Variants in CNGA1 observed in about 807,000 individuals in gnomAD.
CNGA1 encodes cyclic nucleotide-gated channel alpha-1.
CNGA1 carries 53 observed loss-of-function variants against 69.7 expected under a neutral mutation model. The observed-to-expected ratio is 0.76, with a 90% CI of 0.61 to 0.96. The LOEUF is 0.96. Ranked by LOEUF, CNGA1 falls within the 40% of genes least tolerant of loss-of-function variation. The pLI is 0.00. For missense variants in CNGA1, 739 were observed against 811.2 expected (o/e 0.91, Z 1.08); for synonymous variants, 249 against 283.5 (o/e 0.88, Z 1.22).
At chr4:47,958,143 C>A (rs1740206148) in intron 3 of CNGA1, among the ~76,000 whole-genome samples, 1 of 152,070 alleles carries the variant, frequency 6.6e-6, no homozygotes, top group South Asian at 2.1e-4. Context: ...ATCCACCCAC[C>A]TCAGCCTCCC....
intron 5 of CNGA1, among the ~76,000 whole-genome samples, chr4:47,950,158 C>T (rs570776060): frequency 6.6e-6 from 1 of 152,362 alleles, no homozygotes; most frequent in South Asian, 2.1e-4. Flanking sequence ...ACCCAAATCT[C>T]ATCTTGAATT....
chr4:47,973,276 C>T (rs983704064), intron 3 of CNGA1, among the ~76,000 whole-genome samples: 2 of 151,958 alleles, frequency 1.3e-5, no homozygotes, highest in African/African-American at 4.8e-5. Context: ...GATGGTTCAC[C>T]ATTTTGGCCA....
chr4:47,936,530 A>G lies in CNGA1; in HGVS notation c.1952T>C (p.Leu651Pro), dbSNP rs2110126850. Reference protein sequence around the residue: ...LAEYESMQQKLKQRLTKVEKF... With the variant: ...LAEYESMQQKPKQRLTKVEKF... ...CTCAACCTTGGTTAATCTTTGTTTC[A>G]GTTTCTGCTGCATGGACTCATACTC... is the stretch of plus-strand genomic sequence containing the variant. Residue 651 changes from leucine to proline, a missense_variant, in exon 11 of 11, where the codon CTG (leucine) becomes CCG (proline). Transcript: ENST00000514170. The G allele has an allele frequency of 6.2e-7, 1 of 1,614,166 alleles. No homozygotes were observed. The highest frequency in any genetic ancestry group is 8.5e-7 in the Non-Finnish European group (1 of 1,180,016).
At position 47,936,971 on chromosome 4, in the gene CNGA1, T is replaced by C. The variant is rs752477071; in HGVS notation, c.1511A>G (p.Lys504Arg). ...QVYSPGDYIC[K>R]KGDIGREMYI... ...CATCTCTCGTCCGATATCCCCTTTC[T>C]TGCAAATATAATCTCCAGGACTGTA... The change falls in exon 11 of 11, where the codon AAG (lysine) becomes AGG (arginine). Residue 504 changes from lysine to arginine, a missense_variant. By Grantham distance (26) the Lys-to-Arg change is conservative. Transcript: ENST00000514170. 6.2e-7 allele frequency: 1 copy of C among 1,613,964 alleles called. No individual in the cohort carries two copies. The highest frequency in any genetic ancestry group is 8.5e-7 in the Non-Finnish European group (1 of 1,179,846).
intron 3 of CNGA1, among the ~76,000 whole-genome samples, chr4:47,954,261 A>T (rs2352470): frequency 0.34 from 52,205 of 151,902 alleles, 9,337 homozygotes; most frequent in East Asian, 0.59. Context: ...GCTGAAAGTC[A>T]CCTCCACTGT....
chr4:48,013,918 G>C (rs542548366), intron 1 of CNGA1, among the ~76,000 whole-genome samples: 1 of 152,160 alleles, frequency 6.6e-6, no homozygotes, highest in Non-Finnish European at 1.5e-5. Context: ...AGCAACTCAG[G>C]GGTTAACCTT....
intron 2 of CNGA1, among the ~76,000 whole-genome samples, chr4:48,006,310 T>C (rs1227400290): frequency 1.3e-5 from 2 of 152,170 alleles, no homozygotes; most frequent in Non-Finnish European, 2.9e-5. Flanking sequence ...CAAAAAGTTT[T>C]AGGGCAGCCA....
At chr4:47,958,119 C>A (rs1006353206) in intron 3 of CNGA1, among the ~76,000 whole-genome samples, 1 of 152,066 alleles carries the variant, frequency 6.6e-6, no homozygotes, top group Non-Finnish European at 1.5e-5. Context: ...TGGTCTTGAT[C>A]TCCTGACCTC....
intron 2 of CNGA1, among the ~76,000 whole-genome samples, chr4:47,990,655 CTTGCTGATT>C (rs1262258986): frequency 6.6e-6 from 1 of 152,124 alleles, no homozygotes; most frequent in Non-Finnish European, 1.5e-5. Flanking sequence ...CTAATAAAAA[CTTGCTGATT>C]TTGCGGCTCG....
intron 2 of CNGA1, among the ~76,000 whole-genome samples, chr4:48,005,399 A>G (rs1714877260): frequency 6.6e-6 from 1 of 152,042 alleles, no homozygotes; most frequent in Non-Finnish European, 1.5e-5. Flanking sequence ...TACAGGTGTG[A>G]GCCACCACGC....
chr4:48,009,289 A>AC (rs1354462852), intron 2 of CNGA1, among the ~76,000 whole-genome samples: 3 of 151,732 alleles, frequency 2.0e-5, no homozygotes, highest in Non-Finnish European at 2.9e-5. Flanking sequence ...ACATGGTGAA[A>AC]CCCCATCTCT....
chr4:48,000,141 A>C (rs1223093356), intron 2 of CNGA1, among the ~76,000 whole-genome samples: 1 of 152,166 alleles, frequency 6.6e-6, no homozygotes, highest in Non-Finnish European at 1.5e-5. Flanking sequence ...AAGAGATAAA[A>C]CATTGGAATC....
chr4:47,953,985 T>C (rs1185842385), intron 3 of CNGA1, among the ~76,000 whole-genome samples: 5 of 152,038 alleles, frequency 3.3e-5, no homozygotes, highest in African/African-American at 1.2e-4. Context: ...GAGACCACTC[T>C]AGCTGTCACG....
intron 2 of CNGA1, among the ~76,000 whole-genome samples, chr4:47,982,263 A>G (rs940836431): frequency 1.3e-5 from 2 of 152,208 alleles, no homozygotes; most frequent in African/African-American, 4.8e-5. Flanking sequence ...ATTTCCATCT[A>G]TTAGCTCCAA....
intron 2 of CNGA1, among the ~76,000 whole-genome samples, chr4:47,992,114 T>G (rs1025072560): frequency 6.6e-6 from 1 of 152,232 alleles, no homozygotes. Flanking sequence ...GCCTCTAGAC[T>G]TGCTCTTTTT....
Position 47,936,124 on chromosome 4 carries a change from G to T in CNGA1, c.*297C>A. ...GTGAGGGCTACTTATTCATTTTTAT[G>T]AAGAATATTACATAAAATGAGCGTA... On this transcript the variant is annotated 3_prime_UTR_variant, in exon 11 of 11. Transcript: ENST00000514170. The T allele has an allele frequency of 2.4e-6, 1 of 422,286 alleles. No individual in the cohort carries two copies. The highest frequency in any genetic ancestry group is 3.0e-5 in the South Asian group (1 of 33,122). The allele number at this position is 422,286 out of a possible 1,614,324, so 26.2% of individuals were successfully genotyped here.
At chr4:47,978,196 C>T (rs1279570384) in intron 3 of CNGA1, among the ~76,000 whole-genome samples, 1 of 152,062 alleles carries the variant, frequency 6.6e-6, no homozygotes, top group African/African-American at 2.4e-5. Flanking sequence ...TTATTATTGC[C>T]AGTTGCCTTT....
chr4:47,947,294 A>G (rs1466413782), intron 6 of CNGA1, among the ~76,000 whole-genome samples: 1 of 152,156 alleles, frequency 6.6e-6, no homozygotes, highest in Admixed American at 6.5e-5. Context: ...CCACAGCCTC[A>G]CTTAGAGGTG....
chr4:47,936,047 AATT>A lies in CNGA1; in HGVS notation c.*371_*373del, dbSNP rs1334972711. 45 of 239,868 alleles carry A rather than the reference AATT, an allele frequency of 1.9e-4. No individual in the cohort carries two copies. Among genetic ancestry groups the A allele is most frequent in the Non-Finnish European group, 3.3e-4 (41 of 122,730 alleles). 14.9% of individuals were successfully genotyped at this position (239,868 alleles called of 1,614,324 possible). On this transcript the variant is annotated 3_prime_UTR_variant, in exon 11 of 11. Transcript: ENST00000514170. Reference sequence around the variant, plus strand: ...TTATCCCAAATATGATGTACATGGTAATTCTCAGTTACTTCAAATACGCTTCAC... The same window carrying A: ...TTATCCCAAATATGATGTACATGGTACTCAGTTACTTCAAATACGCTTCAC...
Sources: gnomAD v4.1 joint callset for allele counts (sites outside exome capture counted in the v4.1 genomes callset) on GRCh38, gnomAD v4.1.1 for gene constraint, MANE v1.5 for transcripts, NCBI Gene and HGNC (gene_info 2026-07-23, HGNC 2026-07-21) for gene names.